CDC73: variants seen among roughly 807,000 people sequenced by gnomAD.
CDC73 encodes the protein cell division cycle 73.
In CDC73, 21 loss-of-function variants were observed where a neutral mutation model predicts 83.7. The ratio of observed to expected loss-of-function variants is 0.25; its 90% CI spans 0.18 to 0.36. The LOEUF (loss-of-function observed/expected upper bound fraction) is 0.36. Among genes scored for constraint, CDC73 ranks in the 10% least tolerant of loss-of-function variants. The pLI is 1.00. For synonymous variants in CDC73, 224 were observed against 212.9 expected (o/e 1.05, Z -0.45); for missense variants, 342 against 653.3 (o/e 0.52, Z 5.19).
At chr1:193,166,820 A>G (rs12141559) in intron 10 of CDC73, among the ~76,000 whole-genome samples, 6,033 of 152,012 alleles carry the variant, frequency 0.04, 116 homozygotes, top group Middle Eastern at 0.048. Flanking sequence ...GCTATTTTGT[A>G]TTTTTAGCAG....
chr1:193,234,206 CACACACACACACACATAT>C (rs1451037968), intron 14 of CDC73, among the ~76,000 whole-genome samples: 2 of 41,796 alleles, frequency 4.8e-5, no homozygotes, highest in East Asian at 7.5e-4. Flanking sequence ...CACACACACA[CACACACACACACACATAT>C]ATATATTTAA....
At position 193,253,249 on chromosome 1, in the gene CDC73, A is replaced by G. The variant is rs956751915; in HGVS notation, c.*2537A>G. 3.4e-5 allele frequency: 8 copies of G among 232,436 alleles called. No individual in the cohort carries two copies. The highest frequency in any genetic ancestry group is 6.8e-5 in the Non-Finnish European group (8 of 117,590). The allele number at this position is 232,436 out of a possible 1,614,324, so 14.4% of individuals were successfully genotyped here. On this transcript the variant is annotated 3_prime_UTR_variant, in exon 17 of 17. Transcript: ENST00000367435. ...GATTCCCATTTTCATGTAATTTGAG[A>G]CAAGACCTGGTCATCAGTATTTTTT...
At chr1:193,171,235 C>A (rs368705568) in intron 10 of CDC73, among the ~76,000 whole-genome samples, 3 of 152,166 alleles carry the variant, frequency 2.0e-5, no homozygotes, top group African/African-American at 7.2e-5. Flanking sequence ...AAAGTAGATA[C>A]CTCTGTTCAT....
At chr1:193,133,859 A>G (rs190708088) in intron 3 of CDC73, among the ~76,000 whole-genome samples, 2 of 152,298 alleles carry the variant, frequency 1.3e-5, no homozygotes, top group East Asian at 3.9e-4. Context: ...AAAATGCTTA[A>G]TATCATTTAT....
intron 10 of CDC73, among the ~76,000 whole-genome samples, chr1:193,174,892 C>T (rs537380516): frequency 1.3e-5 from 2 of 152,286 alleles, no homozygotes; most frequent in Admixed American, 6.5e-5. Flanking sequence ...AAAACATTTT[C>T]CTTTAAATGA....
chr1:193,129,333 T>C (rs1276178291), intron 2 of CDC73, among the ~76,000 whole-genome samples: 1 of 151,290 alleles, frequency 6.6e-6, no homozygotes, highest in South Asian at 2.1e-4. Context: ...AGTTTGACCA[T>C]GTTGGCCAGG....
At chr1:193,192,572 G>A (rs1306052404) in intron 10 of CDC73, among the ~76,000 whole-genome samples, 1 of 152,178 alleles carries the variant, frequency 6.6e-6, no homozygotes, top group Non-Finnish European at 1.5e-5. Context: ...CAGTATGATT[G>A]GTTATGGCCC....
At chr1:193,150,161 C>G in intron 8 of CDC73, 143 bp from the exon 9 acceptor site, 1 of 661,654 alleles carries the variant, frequency 1.5e-6, no homozygotes, top group Non-Finnish European at 2.7e-6. Context: ...GTCCCAGCTA[C>G]TTGGAAGGCT....
chr1:193,156,255 T>C (rs1003426677), intron 10 of CDC73, among the ~76,000 whole-genome samples: 1 of 152,200 alleles, frequency 6.6e-6, no homozygotes, highest in African/African-American at 2.4e-5. Flanking sequence ...CATTTTAACC[T>C]GTCTAGCCTG....
In CDC73 at chr1:193,251,593, CTTGGAGTTCT is replaced by C. The variant is rs1357442156; in HGVS notation, c.*883_*892del. On this transcript the variant is annotated 3_prime_UTR_variant, in exon 17 of 17. Transcript: ENST00000367435. Reference sequence around the variant, plus strand: ...AATCTTCTATTTTAGGCTTGTCAGTCTTGGAGTTCTTATCTTCCATTATCCCTAAATATTG... The same window carrying C: ...AATCTTCTATTTTAGGCTTGTCAGTCTATCTTCCATTATCCCTAAATATTG... 4.3e-6 allele frequency: 1 copy of C among 231,974 alleles called. No individual in the cohort carries two copies. Among genetic ancestry groups the C allele is most frequent in the African/African-American group, 2.2e-5 (1 of 45,246 alleles). 14.4% of individuals were successfully genotyped at this position (231,974 alleles called of 1,614,324 possible).
rs1678040830 is a variant in CDC73, at chr1:193,251,395, G to GA, written c.*690dup. ...TTCTATCTGTAATATCTTTCCATTT[G>GA]AAAAAAATCTCAAAACACAGATTAA... On this transcript the variant is annotated 3_prime_UTR_variant, in exon 17 of 17. Coordinates refer to ENST00000367435, the MANE Select transcript of CDC73 (RefSeq NM_024529.5). 4.3e-6 allele frequency: 1 copy of GA among 231,560 alleles called. No homozygotes were observed. Among genetic ancestry groups the GA allele is most frequent in the South Asian group, 1.8e-4 (1 of 5,506 alleles). The allele number at this position is 231,560 out of a possible 1,614,324, so 14.3% of individuals were successfully genotyped here. A position where few individuals can be genotyped will look rare whatever the true frequency, so the allele number is the denominator to read the frequency against.
chr1:193,236,152 T>C, intron 14 of CDC73, 104 bp from the exon 15 acceptor site: 1 of 793,878 alleles, frequency 1.3e-6, no homozygotes, highest in Non-Finnish European at 2.3e-6. Flanking sequence ...TTCACATGAA[T>C]GTTTATGGGA....
At chr1:193,240,491 C>G (rs1451506727) in intron 15 of CDC73, among the ~76,000 whole-genome samples, 1 of 152,176 alleles carries the variant, frequency 6.6e-6, no homozygotes, top group Non-Finnish European at 1.5e-5. Flanking sequence ...TGTAGGAGTT[C>G]CCTTTTCTCT....
intron 16 of CDC73, 106 bp downstream of exon 16, chr1:193,249,977 T>C: frequency 1.0e-6 from 1 of 995,708 alleles, no homozygotes; most frequent in Non-Finnish European, 1.6e-6. Context: ...CTAATTCCCT[T>C]CTTTCAACAT....
chr1:193,247,096 G>C (rs74130941), intron 15 of CDC73, among the ~76,000 whole-genome samples: 1 of 152,042 alleles, frequency 6.6e-6, no homozygotes, highest in South Asian at 2.1e-4. Flanking sequence ...TGCTTTATCA[G>C]GCTTTGCAGA....
intron 13 of CDC73, among the ~76,000 whole-genome samples, chr1:193,223,073 T>C (rs1170381630): frequency 6.6e-6 from 1 of 152,194 alleles, no homozygotes; most frequent in Admixed American, 6.5e-5. Context: ...TCTGTCTTTG[T>C]AATTCTTTTT....
intron 15 of CDC73, among the ~76,000 whole-genome samples, chr1:193,239,767 T>C (rs1677825284): frequency 6.6e-6 from 1 of 152,180 alleles, no homozygotes; most frequent in Non-Finnish European, 1.5e-5. Context: ...TCATCTCTTC[T>C]AGCTGTTTAG....
Position 193,225,710 on chromosome 1 carries a change from G to A in CDC73, c.1155-7283G>A, listed in dbSNP as rs189650616. 1.9e-3 allele frequency among the ~76,000 whole-genome samples: 283 copies of A among 151,988 alleles called. 1 individual carries two copies. The highest frequency in any genetic ancestry group is 6.5e-3 in the African/African-American group (270 of 41,464). On this transcript the variant is annotated intron_variant, in intron 13 of 16. Coordinates refer to ENST00000367435, the MANE Select transcript of CDC73 (RefSeq NM_024529.5). ...CTTGGCCATTTGTTTATCTTCCTTT[G>A]AGAATTGTCTTTTCCTGCCCTTAGC... is the stretch of plus-strand genomic sequence containing the variant.
At chr1:193,224,548 A>T (rs182577949) in intron 13 of CDC73, among the ~76,000 whole-genome samples, 1 of 152,062 alleles carries the variant, frequency 6.6e-6, no homozygotes, top group African/African-American at 2.4e-5. Flanking sequence ...TCACATATAC[A>T]CATGTGAAAT....
Sources: allele counts gnomAD v4.1 joint callset (sites outside exome capture counted in the v4.1 genomes callset), GRCh38; gene constraint gnomAD v4.1.1; transcripts MANE v1.5; gene names NCBI Gene and HGNC (gene_info 2026-07-23, HGNC 2026-07-21).